The following DISC1 variants were observed in gnomAD, a reference collection of about 807,000 sequenced individuals.
DISC1 encodes DISC1 scaffold protein.
A neutral mutation model predicts 84.5 loss-of-function variants in DISC1; 57 were observed. The ratio of observed to expected loss-of-function variants is 0.67; its 90% CI spans 0.55 to 0.84. DISC1 has a LOEUF of 0.84. Ranked by LOEUF, DISC1 falls within the 40% of genes least tolerant of loss-of-function variation. DISC1 has a pLI of 0.00. For missense variants in DISC1, 1,000 were observed against 1,057.8 expected, an observed-to-expected ratio of 0.95 and a Z score of 0.76; for synonymous variants, 411 against 415.2, an observed-to-expected ratio of 0.99 and a Z score of 0.12.
At chr1:231,818,875 G>T (rs1438018895) in intron 9 of DISC1, 3 of 1,084,532 alleles carry the variant, frequency 2.8e-6, no homozygotes, top group African/African-American at 3.3e-5. Flanking sequence ...CTCCTTGTCT[G>T]CACAATCATA....
At chr1:231,841,445 C>G (rs1461292776) in intron 9 of DISC1, among the ~76,000 whole-genome samples, 4 of 152,218 alleles carry the variant, frequency 2.6e-5, no homozygotes, top group Non-Finnish European at 5.9e-5. Context: ...GGTGGTAGAT[C>G]TTTCTCAGGC....
At chr1:231,862,550 T>G (rs776760293) in intron 9 of DISC1, among the ~76,000 whole-genome samples, 4 of 152,212 alleles carry the variant, frequency 2.6e-5, no homozygotes, top group Non-Finnish European at 5.9e-5. Context: ...TATGATTGCT[T>G]TGTAATATTT....
In DISC1 at chr1:231,772,946, C is replaced by T. The variant is rs145127265; in HGVS notation, c.1634+1876C>T. Among the ~76,000 whole-genome samples, 976 of 152,250 alleles carry T rather than the reference C, an allele frequency of 6.4e-3. 10 individuals are homozygous for T. The highest frequency in any genetic ancestry group is 0.021 in the African/African-American group (855 of 41,530). ...GTTGCCGGTTTTCATCCAAATGAAA[C>T]GGGTCCCTTGAATACAGCTTGTTCT... On this transcript the variant is annotated intron_variant, in intron 6 of 12. Coordinates refer to ENST00000439617, the MANE Select transcript of DISC1 (RefSeq NM_018662.3).
At chr1:231,839,534 G>A (rs1168023401) in intron 9 of DISC1, among the ~76,000 whole-genome samples, 1 of 152,126 alleles carries the variant, frequency 6.6e-6, no homozygotes, top group African/African-American at 2.4e-5. Flanking sequence ...TTTTCACCAG[G>A]CTGGGGTTTT....
intron 1 of DISC1, among the ~76,000 whole-genome samples, chr1:231,643,814 C>T (rs1032829842): frequency 4.6e-5 from 7 of 152,102 alleles, no homozygotes; most frequent in Middle Eastern, 3.2e-3. Flanking sequence ...TGCAGCCTGC[C>T]GCTGTGCAGG....
At chr1:231,704,372 G>T (rs1296141524) in intron 3 of DISC1, among the ~76,000 whole-genome samples, 1 of 152,128 alleles carries the variant, frequency 6.6e-6, no homozygotes, top group Non-Finnish European at 1.5e-5. Flanking sequence ...ATTGGCTTAT[G>T]TGAAAAATAT....
intron 8 of DISC1, among the ~76,000 whole-genome samples, chr1:231,804,447 A>G (rs1017253823): frequency 6.6e-6 from 1 of 151,554 alleles, no homozygotes; most frequent in African/African-American, 2.4e-5. Context: ...AGAACAGGAC[A>G]AGATCCCCCT....
chr1:231,730,639 T>C (rs199848331), intron 3 of DISC1, among the ~76,000 whole-genome samples: 1 of 152,230 alleles, frequency 6.6e-6, no homozygotes, highest in African/African-American at 2.4e-5. Flanking sequence ...AATGTATAAG[T>C]TGGATGATAG....
chr1:231,701,303 T>C (rs556515844), intron 2 of DISC1, among the ~76,000 whole-genome samples: 69 of 152,326 alleles, frequency 4.5e-4, no homozygotes, highest in African/African-American at 1.6e-3. Flanking sequence ...GCGGGAATTA[T>C]GGGAGCTACA....
rs145160625 is a variant in DISC1, at chr1:232,009,591, A to G, written c.2307+542A>G. ...TGAATGTTTATAATGTTCTTCTTTC[A>G]TAAACACAACTAAAGTTTGGCCTGA... On this transcript the variant is annotated intron_variant, in intron 11 of 12. Coordinates refer to ENST00000439617, the MANE Select transcript of DISC1 (RefSeq NM_018662.3). The surrounding 1 kb of genome is among the most constrained non-coding windows in gnomAD (Gnocchi z 4.6). 1.3e-5 allele frequency: 12 copies of G among 922,028 alleles called. No individual in the cohort carries two copies. Among genetic ancestry groups the G allele is most frequent in the African/African-American group, 8.9e-5 (5 of 55,996 alleles). 57.1% of individuals were successfully genotyped at this position (922,028 alleles called of 1,614,324 possible).
At chr1:231,930,598 C>G in intron 9 of DISC1, among the ~76,000 whole-genome samples, 1 of 152,100 alleles carries the variant, frequency 6.6e-6, no homozygotes, top group South Asian at 2.1e-4. Context: ...AAACCTCTAC[C>G]CCATATGGCT....
chr1:231,648,072 C>G (rs2060285974), intron 1 of DISC1, among the ~76,000 whole-genome samples: 1 of 152,170 alleles, frequency 6.6e-6, no homozygotes, highest in East Asian at 1.9e-4. Flanking sequence ...GTCTGATGGC[C>G]CTGGCCAGAA....
intron 1 of DISC1, among the ~76,000 whole-genome samples, chr1:231,689,223 G>A (rs890008442): frequency 6.6e-6 from 1 of 152,154 alleles, no homozygotes; most frequent in Non-Finnish European, 1.5e-5. Context: ...TTGCTATTTG[G>A]TGCATTCCCT....
chr1:231,697,185 G>C (rs1239679936), intron 2 of DISC1, among the ~76,000 whole-genome samples: 1 of 152,164 alleles, frequency 6.6e-6, no homozygotes. Context: ...GTCGGTGAAG[G>C]ATCTCCAAAA....
chr1:231,851,112 A>G (rs1220345979), intron 9 of DISC1, among the ~76,000 whole-genome samples: 2 of 152,170 alleles, frequency 1.3e-5, no homozygotes, highest in Non-Finnish European at 2.9e-5. Context: ...CTTCTCCTGC[A>G]CTTACTGTAC....
chr1:232,040,042 G>A lies in DISC1; in HGVS notation c.*3211G>A, dbSNP rs1670716227. Reference sequence around the variant, plus strand: ...CTCTCTCTGTCACCCAAGTTGGAGTGCAGTGGCCCCGCAATCTCGGCTCAC... The same window carrying A: ...CTCTCTCTGTCACCCAAGTTGGAGTACAGTGGCCCCGCAATCTCGGCTCAC... On this transcript the variant is annotated 3_prime_UTR_variant, in exon 13 of 13. Transcript: ENST00000439617. 6.6e-6 allele frequency: 1 copy of A among 151,806 alleles called. No individual in the cohort carries two copies. The highest frequency in any genetic ancestry group is 1.5e-5 in the Non-Finnish European group (1 of 68,050). The allele number at this position is 151,806 out of a possible 1,614,324, so 9.4% of individuals were successfully genotyped here.
At chr1:231,824,875 TATCCATCCATCCATCC>T (rs67972870) in intron 9 of DISC1, among the ~76,000 whole-genome samples, 64 of 150,004 alleles carry the variant, frequency 4.3e-4, no homozygotes, top group African/African-American at 1.5e-3. Context: ...GTTGCATTTC[TATCCATCCATCCATCC>T]ATCCATCCAT....
At chr1:231,978,047 T>A (rs889059304) in intron 10 of DISC1, among the ~76,000 whole-genome samples, 1 of 152,208 alleles carries the variant, frequency 6.6e-6, no homozygotes, top group African/African-American at 2.4e-5. Context: ...ATTTGGCAAA[T>A]GTGTTCCTGT....
chr1:231,951,576 G>C (rs1300845566), intron 9 of DISC1, among the ~76,000 whole-genome samples: 4 of 152,070 alleles, frequency 2.6e-5, no homozygotes, highest in African/African-American at 9.7e-5. Context: ...CTCAAGCTGG[G>C]CCAAATCTCC....
Sources: gnomAD v4.1 joint callset for allele counts (sites outside exome capture counted in the v4.1 genomes callset) on GRCh38, gnomAD v4.1.1 for gene constraint, Gnocchi (gnomAD v3.1) non-coding constraint, MANE v1.5 for transcripts, NCBI Gene and HGNC (gene_info 2026-07-23, HGNC 2026-07-21) for gene names.